Variants in UGT2A2 observed in about 807,000 individuals in gnomAD.
UGT2A2 encodes the protein UDP glucuronosyltransferase family 2 member A2, also known as UDP-glucuronosyltransferase 2A2.
UGT2A2 carries 60 observed loss-of-function variants against 50.7 expected under a neutral mutation model. That is an observed-to-expected ratio of 1.18 (90% CI 0.96 to 1.47). The LOEUF is 1.47. UGT2A2 is among the 40% of genes most tolerant of loss of function. UGT2A2 has a pLI of 0.00. For missense variants in UGT2A2, 762 were observed against 634.0 expected (o/e 1.20, Z -2.17); for synonymous variants, 242 against 214.6 (o/e 1.13, Z -1.11).
At chr4:69,614,942 G>T (rs1030574464) in intron 1 of UGT2A2, among the ~76,000 whole-genome samples, 3 of 152,054 alleles carry the variant, frequency 2.0e-5, no homozygotes, top group African/African-American at 4.8e-5. Flanking sequence ...CAATGGGGAA[G>T]CAAGCACATC....
intron 1 of UGT2A2, among the ~76,000 whole-genome samples, chr4:69,612,052 T>C (rs920140264): frequency 2.0e-5 from 3 of 152,062 alleles, no homozygotes; most frequent in Non-Finnish European, 4.4e-5. Context: ...CCAGTTAAAA[T>C]TCAAGCTAGA....
chr4:69,595,756 A>G (rs1316702310), intron 3 of UGT2A2, among the ~76,000 whole-genome samples: 1 of 152,212 alleles, frequency 6.6e-6, no homozygotes, highest in Non-Finnish European at 1.5e-5. Context: ...TTAGCTAGAG[A>G]ATATTCAACT....
At position 69,594,342 on chromosome 4, in the gene UGT2A2, A is replaced by T. The variant is rs181160146; in HGVS notation, c.1331+135T>A. 13 of 1,217,458 alleles carry T rather than the reference A, an allele frequency of 1.1e-5. No homozygotes were observed. The African/African-American group carries it at 1.8e-4, about 17-fold the overall frequency. 75.4% of individuals were successfully genotyped at this position (1,217,458 alleles called of 1,614,324 possible). On this transcript the variant is annotated intron_variant, in intron 5 of 5. Transcript: ENST00000604629. ...AAATCACTTTAGCAGTTTGGCAAAT[A>T]AAATAGTTTTTATATTGGTCAGGTT...
chr4:69,595,075 A>C (rs1017949382), intron 4 of UGT2A2, 87 bp downstream of exon 4: 2 of 1,495,698 alleles, frequency 1.3e-6, no homozygotes, highest in South Asian at 2.4e-5. Flanking sequence ...TAAATTATTA[A>C]AAATGTATTG....
intron 1 of UGT2A2, among the ~76,000 whole-genome samples, chr4:69,624,048 G>T (rs1197178480): frequency 6.6e-6 from 1 of 151,420 alleles, no homozygotes; most frequent in Non-Finnish European, 1.5e-5. Flanking sequence ...TTTATTTTCT[G>T]TGTGCTTGTA....
chr4:69,607,228 C>T (rs528709601), intron 1 of UGT2A2, among the ~76,000 whole-genome samples: 2,607 of 134,644 alleles, frequency 0.019, 44 homozygotes, highest in Non-Finnish European at 0.029. Flanking sequence ...GAGATAAAGA[C>T]CAATGGAACA....
At position 69,589,642 on chromosome 4, in the gene UGT2A2, CTCTTTA is replaced by C. The variant is rs1718477382; in HGVS notation, c.1335_1340del (p.Tyr445_Glu447delinsTer). 8 of 1,601,642 alleles carry C rather than the reference CTCTTTA, an allele frequency of 5.0e-6. No individual in the cohort carries two copies. The East Asian group carries it at 1.8e-4, about 36-fold the overall frequency. ...GAATTCTTGATAACCTCATAGCATTCTCTTTATAACTAGAAGACAAATAAATAGGCA... is the reference window on the plus strand; with the variant it reads ...GAATTCTTGATAACCTCATAGCATTCTAACTAGAAGACAAATAAATAGGCA... On this transcript the variant is annotated stop_gained and inframe_deletion, in exon 6 of 6. Transcript: ENST00000604629. LOFTEE classifies it high-confidence loss of function.
chr4:69,616,338 TTAA>T (rs1720382360), intron 1 of UGT2A2, among the ~76,000 whole-genome samples: 1 of 151,882 alleles, frequency 6.6e-6, no homozygotes, highest in Non-Finnish European at 1.5e-5. Context: ...ATGACTATAG[TTAA>T]TAATAATTTG....
intron 1 of UGT2A2, among the ~76,000 whole-genome samples, chr4:69,613,257 C>T (rs1357877431): frequency 1.3e-5 from 2 of 151,956 alleles, no homozygotes; most frequent in East Asian, 1.9e-4. Flanking sequence ...GATACCTAGA[C>T]ATATATAGCC....
chr4:69,602,743 C>T (rs1192107967), intron 1 of UGT2A2, among the ~76,000 whole-genome samples: 1 of 136,824 alleles, frequency 7.3e-6, no homozygotes, highest in Non-Finnish European at 1.6e-5. Context: ...TTAAAACCCA[C>T]AATAGAAAAG....
intron 1 of UGT2A2, chr4:69,635,844 A>AT (rs1721665481): frequency 7.3e-6 from 1 of 136,710 alleles, no homozygotes; most frequent in South Asian, 1.9e-4. Context: ...AAAAAAAAAA[A>AT]AAAAAAGAGA....
At chr4:69,597,669 T>C (rs1719011885) in intron 2 of UGT2A2, among the ~76,000 whole-genome samples, 1 of 152,080 alleles carries the variant, frequency 6.6e-6, no homozygotes, top group Non-Finnish European at 1.5e-5. Context: ...AATTGGTGCT[T>C]TGCCATTTTG....
intron 1 of UGT2A2, among the ~76,000 whole-genome samples, chr4:69,634,824 C>A (rs529541576): frequency 6.6e-6 from 1 of 152,236 alleles, no homozygotes; most frequent in African/African-American, 2.4e-5. Context: ...TAATGGTAAA[C>A]AATGCATGAT....
Position 69,596,041 on chromosome 4 carries a change from T to C in UGT2A2, c.1023+209A>G, listed in dbSNP as rs914806008. On this transcript the variant is annotated intron_variant, in intron 3 of 5. Transcript: ENST00000604629. ...ATAAATGACTTCAAAAAAGTATGTG[T>C]TTCTAAAATAATGCCAAGGCTCAGT... is the stretch of plus-strand genomic sequence containing the variant. Among the ~76,000 whole-genome samples the C allele has an allele frequency of 1.1e-4, 17 of 152,306 alleles. No homozygotes were observed. In the East Asian group the frequency reaches 3.3e-3, roughly 29 times the overall value.
rs538127691 is a variant in UGT2A2 at position 69,609,178 on chromosome 4, C to A, written c.743-9784G>T. 2.8e-5 allele frequency among the ~76,000 whole-genome samples: 4 copies of A among 145,306 alleles called. No individual in the cohort carries two copies. The South Asian group carries it at 8.7e-4, about 31-fold the overall frequency. ...AGATTTTTTTTTTTTTTTGACACAG[C>A]GTTTTTCTCTGTCTTCCAGGCTGGA... On this transcript the variant is annotated intron_variant, in intron 1 of 5. Coordinates refer to ENST00000604629, the MANE Select transcript of UGT2A2 (RefSeq NM_001105677.2).
intron 1 of UGT2A2, among the ~76,000 whole-genome samples, chr4:69,635,313 C>A (rs1253177985): frequency 1.3e-5 from 2 of 152,104 alleles, no homozygotes; most frequent in South Asian, 4.2e-4. Context: ...TTTCTGCTCT[C>A]CCGATCTACA....
At position 69,639,437 on chromosome 4, in the gene UGT2A2, T is replaced by C. The variant is rs774613696; in HGVS notation, c.204A>G (p.Leu68=). The C allele has an allele frequency of 6.2e-7, 1 of 1,613,248 alleles. No individual in the cohort carries two copies. The highest frequency in any genetic ancestry group is 8.5e-7 in the Non-Finnish European group (1 of 1,179,552). ...GAGAATCGGGATTGGAGTTGATGAA[T>C]AGAGTTGCTGATGAAGCCAGTACAG... ...NVTVLASSAT[L]FINSNPDSPV... Residue 68 remains leucine (L), a synonymous_variant, in exon 1 of 6, where the codon CTA becomes CTG. Coordinates refer to ENST00000604629, the MANE Select transcript of UGT2A2 (RefSeq NM_001105677.2).
rs139337193 is a variant in UGT2A2 at position 69,595,250 on chromosome 4, C to T, written c.1024-1G>A. The T allele has an allele frequency of 9.3e-6, 15 of 1,613,392 alleles. No homozygotes were observed. The African/African-American group carries it at 1.9e-4, about 20-fold the overall frequency. On this transcript the variant is annotated splice_acceptor_variant, in intron 3 of 5. Coordinates refer to ENST00000604629, the MANE Select transcript of UGT2A2 (RefSeq NM_001105677.2). LOFTEE classifies it high-confidence loss of function. ...TCTTTCCTTTGTATCTCCATAAAAC[C>T]TGTGGAAAATGGTGCTTTAATTTTG...
At chr4:69,624,325 A>G (rs1447338995) in intron 1 of UGT2A2, among the ~76,000 whole-genome samples, 2 of 151,462 alleles carry the variant, frequency 1.3e-5, no homozygotes, top group Non-Finnish European at 3.0e-5. Context: ...TATCATAGGT[A>G]TATTCTCATT....
Sources: allele counts gnomAD v4.1 joint callset (sites outside exome capture counted in the v4.1 genomes callset), GRCh38; gene constraint gnomAD v4.1.1; transcripts MANE v1.5; gene names NCBI Gene and HGNC (gene_info 2026-07-23, HGNC 2026-07-21).